The following HSPA12A variants were observed in gnomAD, a reference collection of about 807,000 sequenced individuals.
The protein encoded by HSPA12A is heat shock protein family A (Hsp70) member 12A.
Under a neutral mutation model 69.2 loss-of-function variants are expected in HSPA12A, and 28 were observed. The observed-to-expected ratio is 0.40, with a 90% CI of 0.30 to 0.55. The LOEUF is 0.55. HSPA12A is among the 20% of genes least tolerant of loss of function. The probability of loss-of-function intolerance (pLI) is 0.38; values close to 1 mark genes in which losing one functional copy is unlikely to be tolerated. For synonymous variants in HSPA12A, 345 were observed against 370.5 expected (o/e 0.93, Z 0.79); for missense variants, 686 against 900.7 (o/e 0.76, Z 3.05).
intron 2 of HSPA12A, among the ~76,000 whole-genome samples, chr10:116,794,586 G>C (rs1844778083): frequency 2.0e-5 from 3 of 152,204 alleles, no homozygotes; most frequent in Admixed American, 2.0e-4. Flanking sequence ...GGCAAGGTGG[G>C]TGGATAACTT....
intron 2 of HSPA12A, among the ~76,000 whole-genome samples, chr10:116,775,014 C>G (rs2133125010): frequency 6.6e-6 from 1 of 152,354 alleles, no homozygotes; most frequent in African/African-American, 2.4e-5. Flanking sequence ...GGGACTCCAG[C>G]ATTCCTTTGC....
intron 1 of HSPA12A, among the ~76,000 whole-genome samples, chr10:116,725,830 C>T (rs1554884910): frequency 6.6e-6 from 1 of 151,994 alleles, no homozygotes; most frequent in Non-Finnish European, 1.5e-5. Flanking sequence ...CTCTTCCCTC[C>T]CCCAACCCCT....
At chr10:116,798,650 C>T (rs888160654) in intron 2 of HSPA12A, among the ~76,000 whole-genome samples, 1 of 152,098 alleles carries the variant, frequency 6.6e-6, no homozygotes, top group Non-Finnish European at 1.5e-5. Flanking sequence ...AAAACCACAG[C>T]GTTTGACAGC....
At chr10:116,774,349 C>T (rs1039441572) in intron 2 of HSPA12A, among the ~76,000 whole-genome samples, 16 of 152,164 alleles carry the variant, frequency 1.1e-4, no homozygotes, top group Admixed American at 2.6e-4. Context: ...GAGCACTCTG[C>T]GAGGGTCCCA....
intron 6 of HSPA12A, among the ~76,000 whole-genome samples, chr10:116,687,614 G>C (rs1554879695): frequency 1.3e-5 from 2 of 152,166 alleles, no homozygotes; most frequent in Non-Finnish European, 2.9e-5. Context: ...TGGGCAGGAG[G>C]ACTCAATGCT....
At chr10:116,822,127 G>T (rs751792001) in intron 2 of HSPA12A, among the ~76,000 whole-genome samples, 2 of 152,168 alleles carry the variant, frequency 1.3e-5, no homozygotes, top group Non-Finnish European at 2.9e-5. Context: ...TGAGGACATG[G>T]GATGTGGATA....
intron 1 of HSPA12A, among the ~76,000 whole-genome samples, chr10:116,708,542 A>G (rs1850329236): frequency 6.6e-6 from 1 of 152,168 alleles, no homozygotes; most frequent in African/African-American, 2.4e-5. Context: ...GTGGGCACCA[A>G]ACAGGCTGTA....
At chr10:116,773,165 G>A (rs1844251868) in intron 2 of HSPA12A, among the ~76,000 whole-genome samples, 1 of 152,228 alleles carries the variant, frequency 6.6e-6, no homozygotes, top group African/African-American at 2.4e-5. Flanking sequence ...CCTCTGCACA[G>A]CAGGCAAGGT....
In HSPA12A at chr10:116,679,765, A is replaced by G. The variant is rs782055432; in HGVS notation, c.1028-4T>C. 20 of 1,610,722 alleles carry G rather than the reference A, an allele frequency of 1.2e-5. No homozygotes were observed. In the Admixed American group the frequency reaches 3.3e-4, roughly 27 times the overall value. On this transcript the variant is annotated splice_polypyrimidine_tract_variant and splice_region_variant and intron_variant, in intron 9 of 11. Transcript: ENST00000369209. ...CCTAAAGATCCATAGGGTCCGCCTG[A>G]ATTGAGAACAAAAAGGGAGGCCATG...
At chr10:116,730,623 T>G (rs1851120013) in intron 1 of HSPA12A, among the ~76,000 whole-genome samples, 1 of 152,228 alleles carries the variant, frequency 6.6e-6, no homozygotes, top group South Asian at 2.1e-4. Context: ...CTGGGGTCCC[T>G]CATGCCCCAT....
chr10:116,683,053 C>T (rs1333152450), intron 7 of HSPA12A, among the ~76,000 whole-genome samples: 5 of 151,740 alleles, frequency 3.3e-5, no homozygotes, highest in African/African-American at 1.2e-4. Context: ...CTTAGGCCCT[C>T]GTGCCTTTGA....
At chr10:116,692,971 T>C (rs537256752) in intron 5 of HSPA12A, among the ~76,000 whole-genome samples, 15 of 152,192 alleles carry the variant, frequency 9.9e-5, no homozygotes, top group Non-Finnish European at 1.9e-4. Context: ...TTCCTACAAA[T>C]GGGAATACTG....
At chr10:116,834,560 C>T (rs775416809) in intron 2 of HSPA12A, among the ~76,000 whole-genome samples, 5 of 152,148 alleles carry the variant, frequency 3.3e-5, no homozygotes, top group Non-Finnish European at 5.9e-5. Flanking sequence ...TTTGTATGGG[C>T]CCTCACAGAG....
upstream of HSPA12A, among the ~76,000 whole-genome samples, chr10:116,745,076 G>C (rs535165957): frequency 5.3e-5 from 8 of 152,136 alleles, no homozygotes; most frequent in Non-Finnish European, 8.8e-5. Flanking sequence ...TCCTTCAAGA[G>C]AATCAATCAC....
At chr10:116,751,518 T>G (rs781854462) in intron 2 of HSPA12A, among the ~76,000 whole-genome samples, 14 of 152,194 alleles carry the variant, frequency 9.2e-5, no homozygotes, top group Non-Finnish European at 1.6e-4. Context: ...GTGAAAAATT[T>G]CAAGGATCCA....
In HSPA12A at chr10:116,676,509, G is replaced by A. The variant is rs1347609158; in HGVS notation, c.1287-7C>T. The A allele has an allele frequency of 2.5e-6, 4 of 1,609,352 alleles. No homozygotes were observed. The highest frequency in any genetic ancestry group is 3.4e-6 in the Non-Finnish European group (4 of 1,176,218). On this transcript the variant is annotated splice_region_variant and splice_polypyrimidine_tract_variant and intron_variant, in intron 10 of 11. Coordinates refer to ENST00000369209, the MANE Select transcript of HSPA12A (RefSeq NM_025015.3). ...CCACTTCACAAAATCCACACTGCAG[G>A]AGCATAGCATGGAGAAGAGCAGGCA...
chr10:116,678,686 T>C (rs1233698863), intron 10 of HSPA12A, among the ~76,000 whole-genome samples: 1 of 152,026 alleles, frequency 6.6e-6, no homozygotes, highest in Non-Finnish European at 1.5e-5. Context: ...CGTGGTATTG[T>C]GGTTGTGATT....
At chr10:116,742,397 G>A in intron 1 of HSPA12A, 33 bp downstream of exon 1, 1 of 1,430,702 alleles carries the variant, frequency 7.0e-7, no homozygotes, top group Non-Finnish European at 9.1e-7. Context: ...TGCCCCGCCA[G>A]CCGCGGCCGC....
At chr10:116,725,534 T>C (rs1348975944) in intron 1 of HSPA12A, among the ~76,000 whole-genome samples, 1 of 152,062 alleles carries the variant, frequency 6.6e-6, no homozygotes, top group African/African-American at 2.4e-5. Context: ...GCACCAGGAA[T>C]TGTATGCATA....
Sources: gnomAD v4.1 joint callset for allele counts (sites outside exome capture counted in the v4.1 genomes callset) on GRCh38, gnomAD v4.1.1 for gene constraint, MANE v1.5 for transcripts, NCBI Gene and HGNC (gene_info 2026-07-23, HGNC 2026-07-21) for gene names.